The following BTBD9 variants were observed in gnomAD, a reference collection of about 807,000 sequenced individuals.
BTBD9 encodes the protein BTB domain containing 9, also known as BTB/POZ domain-containing protein 9.
A neutral mutation model predicts 64.3 loss-of-function variants in BTBD9; 49 were observed. That is an observed-to-expected ratio of 0.76 (90% CI 0.61 to 0.97). BTBD9 has a LOEUF of 0.97. BTBD9 is among the 50% of genes least tolerant of loss of function. BTBD9 has a pLI of 0.00. For synonymous variants in BTBD9, 260 were observed against 274.7 expected, an observed-to-expected ratio of 0.95 and a Z score of 0.53; for missense variants, 598 against 762.1, an observed-to-expected ratio of 0.78 and a Z score of 2.53.
chr6:38,333,748 T>C (rs1763770870), intron 7 of BTBD9, among the ~76,000 whole-genome samples: 1 of 152,190 alleles, frequency 6.6e-6, no homozygotes, highest in African/African-American at 2.4e-5. Context: ...AAACCTCTTT[T>C]CTTTATAAAT....
intron 9 of BTBD9, among the ~76,000 whole-genome samples, chr6:38,216,167 T>C (rs1039373766): frequency 6.6e-6 from 1 of 152,230 alleles, no homozygotes; most frequent in Admixed American, 6.5e-5. Flanking sequence ...AACTCTGACA[T>C]TGTACAGTTT....
At chr6:38,287,129 C>CACACACACAT (rs1761768400) in intron 8 of BTBD9, among the ~76,000 whole-genome samples, 2 of 143,834 alleles carry the variant, frequency 1.4e-5, no homozygotes, top group African/African-American at 5.2e-5. Flanking sequence ...CACACACACA[C>CACACACACAT]ACACACACAC....
chr6:38,533,326 A>G (rs188324372), intron 6 of BTBD9, among the ~76,000 whole-genome samples: 6 of 152,320 alleles, frequency 3.9e-5, no homozygotes, highest in Non-Finnish European at 8.8e-5. Flanking sequence ...AGAAGTCACT[A>G]TATACAATAA....
intron 6 of BTBD9, among the ~76,000 whole-genome samples, chr6:38,396,450 G>A (rs1464904141): frequency 1.3e-5 from 2 of 152,208 alleles, no homozygotes; most frequent in Non-Finnish European, 2.9e-5. Context: ...CAAGCGGTTG[G>A]AGGAAGTCAA....
intron 7 of BTBD9, among the ~76,000 whole-genome samples, chr6:38,297,169 C>T (rs1387247563): frequency 6.6e-6 from 1 of 152,152 alleles, no homozygotes; most frequent in African/African-American, 2.4e-5. Flanking sequence ...AGTTCCAGAG[C>T]AGCCTGGCTA....
At chr6:38,614,663 G>T (rs892114271) in intron 1 of BTBD9, among the ~76,000 whole-genome samples, 2 of 152,088 alleles carry the variant, frequency 1.3e-5, no homozygotes, top group African/African-American at 2.4e-5. Context: ...CACTGCCTTC[G>T]ACCTCAACCT....
intron 10 of BTBD9, among the ~76,000 whole-genome samples, chr6:38,183,659 G>A (rs1248517475): frequency 2.0e-5 from 3 of 152,166 alleles, no homozygotes; most frequent in East Asian, 1.9e-4. Flanking sequence ...GTTTTTGTTT[G>A]GATGGCTCAG....
intron 7 of BTBD9, among the ~76,000 whole-genome samples, chr6:38,298,169 C>G (rs1762232817): frequency 1.3e-5 from 2 of 151,970 alleles, no homozygotes; most frequent in African/African-American, 4.8e-5. Context: ...CTCCAGTTTT[C>G]TAAGAATGGA....
chr6:38,255,220 GA>G (rs1234005270), intron 9 of BTBD9, among the ~76,000 whole-genome samples: 1 of 152,158 alleles, frequency 6.6e-6, no homozygotes, highest in South Asian at 2.1e-4. Context: ...AATCCATAAA[GA>G]AAAGACAGAA....
intron 6 of BTBD9, among the ~76,000 whole-genome samples, chr6:38,509,495 GAAAA>G (rs763958021): frequency 6.6e-6 from 1 of 152,170 alleles, no homozygotes; most frequent in African/African-American, 2.4e-5. Flanking sequence ...ACAGGTCACA[GAAAA>G]ACATCAGCTA....
At chr6:38,427,578 G>A (rs1289607380) in intron 6 of BTBD9, among the ~76,000 whole-genome samples, 1 of 151,950 alleles carries the variant, frequency 6.6e-6, no homozygotes, top group Non-Finnish European at 1.5e-5. Flanking sequence ...AAATGCTGGA[G>A]TTTTGTTTTT....
intron 6 of BTBD9, among the ~76,000 whole-genome samples, chr6:38,421,029 T>C (rs964608650): frequency 6.6e-6 from 1 of 152,068 alleles, no homozygotes; most frequent in African/African-American, 2.4e-5. Flanking sequence ...GATCCTTATT[T>C]TCTTTTATGA....
At chr6:38,556,021 A>G (rs1774995955) in intron 6 of BTBD9, among the ~76,000 whole-genome samples, 1 of 152,198 alleles carries the variant, frequency 6.6e-6, no homozygotes, top group Non-Finnish European at 1.5e-5. Context: ...ATTAGTGAAC[A>G]TTTTTATACT....
At chr6:38,503,649 A>G (rs1331883778) in intron 6 of BTBD9, among the ~76,000 whole-genome samples, 5 of 151,978 alleles carry the variant, frequency 3.3e-5, no homozygotes, top group African/African-American at 7.3e-5. Flanking sequence ...ACCAGTCACC[A>G]TTACCTACCA....
intron 6 of BTBD9, among the ~76,000 whole-genome samples, chr6:38,525,778 T>C (rs191665302): frequency 6.6e-6 from 1 of 152,304 alleles, no homozygotes; most frequent in Admixed American, 6.5e-5. Context: ...GGAGATGATT[T>C]CTTCTGGAGG....
intron 6 of BTBD9, among the ~76,000 whole-genome samples, chr6:38,420,408 T>C (rs1198384160): frequency 1.3e-5 from 2 of 152,172 alleles, no homozygotes; most frequent in Non-Finnish European, 2.9e-5. Context: ...CTCAGACTTG[T>C]GCATCAATAA....
At chr6:38,571,246 T>C (rs1775752334) in intron 6 of BTBD9, among the ~76,000 whole-genome samples, 1 of 152,232 alleles carries the variant, frequency 6.6e-6, no homozygotes, top group Non-Finnish European at 1.5e-5. Flanking sequence ...CACTGAATAA[T>C]GTAAGAGTGT....
chr6:38,379,862 C>T (rs1395968656), intron 6 of BTBD9, among the ~76,000 whole-genome samples: 1 of 152,058 alleles, frequency 6.6e-6, no homozygotes, highest in Non-Finnish European at 1.5e-5. Context: ...CAGGAGACGG[C>T]AGTGTAAAAG....
intron 6 of BTBD9, among the ~76,000 whole-genome samples, chr6:38,351,342 C>T (rs1764497907): frequency 6.6e-6 from 1 of 152,150 alleles, no homozygotes; most frequent in Admixed American, 6.5e-5. Context: ...CATGTCCTGG[C>T]ACCTCCACTA....
Sources: gnomAD v4.1 joint callset for allele counts (sites outside exome capture counted in the v4.1 genomes callset) on GRCh38, gnomAD v4.1.1 for gene constraint, MANE v1.5 for transcripts, NCBI Gene and HGNC (gene_info 2026-07-23, HGNC 2026-07-21) for gene names.